The following RMND5A variants were observed in gnomAD, a reference collection of about 807,000 sequenced individuals.
The protein encoded by RMND5A is E3 ubiquitin-protein transferase RMND5A.
RMND5A carries 17 observed loss-of-function variants against 49.7 expected under a neutral mutation model. The observed-to-expected ratio is 0.34, with a 90% CI of 0.23 to 0.51. The LOEUF is 0.51. Among genes scored for constraint, RMND5A ranks in the 20% least tolerant of loss-of-function variants. The pLI, the probability that RMND5A is intolerant of heterozygous loss-of-function variation, is 0.96. For missense variants in RMND5A, 255 were observed against 471.3 expected (o/e 0.54, Z 4.25); for synonymous variants, 156 against 167.7 (o/e 0.93, Z 0.54).
rs1259571109 is a variant in RMND5A, at chr2:86,777,312, TGTG to T, written c.*3903_*3905del. ...ACTTAACCTTCTCCAGCAAGGCAGT[TGTG>T]GGGTTCACTAGGATTTAGTGCCTGA... On this transcript the variant is annotated 3_prime_UTR_variant, in exon 9 of 9. Coordinates refer to ENST00000283632, the MANE Select transcript of RMND5A (RefSeq NM_022780.4). 2.0e-5 allele frequency: 3 copies of T among 152,128 alleles called. No individual in the cohort carries two copies. 9.4% of individuals were successfully genotyped at this position (152,128 alleles called of 1,614,324 possible). A position where few individuals can be genotyped will look rare whatever the true frequency, so the allele number is the denominator to read the frequency against.
chr2:86,729,506 A>C (rs1427007407), intron 1 of RMND5A, among the ~76,000 whole-genome samples: 1 of 142,956 alleles, frequency 7.0e-6, no homozygotes, highest in Non-Finnish European at 1.5e-5. Context: ...TTTAACAAAC[A>C]CACAAACAAA....
In RMND5A at chr2:86,776,308, G is replaced by A. The variant is rs1672767773; in HGVS notation, c.*2897G>A. 1 of 152,150 alleles carries A rather than the reference G, an allele frequency of 6.6e-6. No individual in the cohort carries two copies. Among genetic ancestry groups the A allele is most frequent in the Non-Finnish European group, 1.5e-5 (1 of 68,028 alleles). 9.4% of individuals were successfully genotyped at this position (152,150 alleles called of 1,614,324 possible). A position where few individuals can be genotyped will look rare whatever the true frequency, so the allele number is the denominator to read the frequency against. On this transcript the variant is annotated 3_prime_UTR_variant, in exon 9 of 9. Coordinates refer to ENST00000283632, the MANE Select transcript of RMND5A (RefSeq NM_022780.4). ...AATACATAAATGAACGGGTATTGGTGCCTCTTTATTTTAAAAAATTTGAAG... is the reference window on the plus strand; with the variant it reads ...AATACATAAATGAACGGGTATTGGTACCTCTTTATTTTAAAAAATTTGAAG...
Position 86,728,140 on chromosome 2 carries a change from A to T in RMND5A, c.142+7331A>T, listed in dbSNP as rs1291272803. 4.8e-5 allele frequency among the ~76,000 whole-genome samples: 4 copies of T among 83,010 alleles called. 1 individual carries two copies. Among genetic ancestry groups the T allele is most frequent in the African/African-American group, 1.4e-4 (3 of 21,924 alleles). 54.5% of individuals were successfully genotyped at this position (83,010 alleles called of 152,430 possible). A position where few individuals can be genotyped will look rare whatever the true frequency, so the allele number is the denominator to read the frequency against. On this transcript the variant is annotated intron_variant, in intron 1 of 8. Coordinates refer to ENST00000283632, the MANE Select transcript of RMND5A (RefSeq NM_022780.4). ...GATACATGAAGACATTTGGGAGGAG[A>T]TGAGGAGAGAATCTTTTAAAAGAAA...
At position 86,721,722 on chromosome 2, in the gene RMND5A, T is replaced by C. The variant is rs150787612; in HGVS notation, c.142+913T>C. On this transcript the variant is annotated intron_variant, in intron 1 of 8. Transcript: ENST00000283632. The stretch of plus-strand genomic sequence containing the variant: ...TTTTGATCAAGAAGTGAAGGACTTA[T>C]TTAATGGGTCTTTAATAAGAGGCTG... Among the ~76,000 whole-genome samples, 184 of 151,556 alleles carry C rather than the reference T, an allele frequency of 1.2e-3. 3 individuals are homozygous for C. The East Asian group carries it at 0.03, about 25-fold the overall frequency.
At chr2:86,754,609 C>T (rs1427206154) in intron 4 of RMND5A, among the ~76,000 whole-genome samples, 1 of 152,140 alleles carries the variant, frequency 6.6e-6, no homozygotes, top group East Asian at 1.9e-4. Context: ...CACTGTCACC[C>T]AGGCTAGAGT....
At chr2:86,743,056 G>A (rs1355285210) in intron 2 of RMND5A, among the ~76,000 whole-genome samples, 1 of 152,148 alleles carries the variant, frequency 6.6e-6, no homozygotes, top group African/African-American at 2.4e-5. Flanking sequence ...GTCCTGTCAT[G>A]ATGATCAGAA....
intron 4 of RMND5A, among the ~76,000 whole-genome samples, chr2:86,758,265 G>A (rs954663207): frequency 2.0e-5 from 3 of 152,064 alleles, no homozygotes; most frequent in East Asian, 1.9e-4. Flanking sequence ...TTATGTATAC[G>A]TACATTTTTA....
At chr2:86,721,131 C>T (rs1167477144) in intron 1 of RMND5A, 9 of 267,592 alleles carry the variant, frequency 3.4e-5, no homozygotes, top group Non-Finnish European at 5.0e-5. Context: ...GTGGGCGCCC[C>T]TCGTCCCCCG....
At chr2:86,734,959 AT>A (rs1681390956) in intron 1 of RMND5A, among the ~76,000 whole-genome samples, 2 of 145,752 alleles carry the variant, frequency 1.4e-5, no homozygotes, top group Non-Finnish European at 3.0e-5. Context: ...GTCTCTATAG[AT>A]TTGTCTATTC....
chr2:86,733,000 T>A (rs1215896661), intron 1 of RMND5A, among the ~76,000 whole-genome samples: 1 of 73,228 alleles, frequency 1.4e-5, no homozygotes, highest in Admixed American at 1.5e-4. Flanking sequence ...ATTTTCTACT[T>A]AGGCAATAAT....
intron 6 of RMND5A, among the ~76,000 whole-genome samples, chr2:86,767,947 A>G (rs1269459617): frequency 2.0e-5 from 3 of 152,242 alleles, no homozygotes; most frequent in East Asian, 1.9e-4. Flanking sequence ...AGAGTAAACT[A>G]TAAGAATCCA....
In RMND5A at chr2:86,743,884, AG is replaced by A. The variant is rs199772794; in HGVS notation, c.285+2817del. 5.2e-3 allele frequency among the ~76,000 whole-genome samples: 785 copies of A among 151,098 alleles called. 4 individuals are homozygous for A. Among genetic ancestry groups the A allele is most frequent in the African/African-American group, 0.017 (713 of 41,190 alleles). Reference sequence around the variant, plus strand: ...TCCCAGTTACTTGGGAGGCTGAGGGAGGAGAATCGCTTGAACCTGGGAGGCG... The same window carrying A: ...TCCCAGTTACTTGGGAGGCTGAGGGAGAGAATCGCTTGAACCTGGGAGGCG... On this transcript the variant is annotated intron_variant, in intron 2 of 8. Transcript: ENST00000283632.
intron 4 of RMND5A, among the ~76,000 whole-genome samples, chr2:86,755,236 G>A (rs951203826): frequency 4.2e-4 from 63 of 151,238 alleles, no homozygotes; most frequent in African/African-American, 1.5e-3. Flanking sequence ...CTCCTGCCCC[G>A]GCCTCCTGAG....
At chr2:86,751,680 A>T (rs1344654797) in intron 2 of RMND5A, among the ~76,000 whole-genome samples, 1 of 152,154 alleles carries the variant, frequency 6.6e-6, no homozygotes, top group Non-Finnish European at 1.5e-5. Context: ...TATTAAATCT[A>T]CTTTAAAAAA....
In RMND5A at chr2:86,774,083, T is replaced by C. The variant is rs1214106098; in HGVS notation, c.*672T>C. 1 of 152,676 alleles carries C rather than the reference T, an allele frequency of 6.5e-6. No individual in the cohort carries two copies. Among genetic ancestry groups the C allele is most frequent in the African/African-American group, 2.4e-5 (1 of 41,466 alleles). 9.5% of individuals were successfully genotyped at this position (152,676 alleles called of 1,614,324 possible). On this transcript the variant is annotated 3_prime_UTR_variant, in exon 9 of 9. Coordinates refer to ENST00000283632, the MANE Select transcript of RMND5A (RefSeq NM_022780.4). ...TGGTGTGAGAAGTCTTCCGTTAGCATAGAGTGGAAGGAGTACTATTGTTTG... is the reference window on the plus strand; with the variant it reads ...TGGTGTGAGAAGTCTTCCGTTAGCACAGAGTGGAAGGAGTACTATTGTTTG...
At chr2:86,755,785 A>T (rs1411815973) in intron 4 of RMND5A, among the ~76,000 whole-genome samples, 1 of 152,194 alleles carries the variant, frequency 6.6e-6, no homozygotes, top group African/African-American at 2.4e-5. Context: ...AGGCAGAGAG[A>T]GGACTTGTTC....
intron 6 of RMND5A, among the ~76,000 whole-genome samples, chr2:86,766,475 C>A (rs1053246740): frequency 2.6e-5 from 4 of 151,894 alleles, no homozygotes; most frequent in African/African-American, 9.7e-5. Context: ...ACCAGCCTGG[C>A]CAACATAGTG....
chr2:86,741,831 G>A (rs1681451152), intron 2 of RMND5A, among the ~76,000 whole-genome samples: 1 of 147,876 alleles, frequency 6.8e-6, no homozygotes, highest in Admixed American at 6.9e-5. Flanking sequence ...GTAAATGTCT[G>A]GGAGGGTAGG....
intron 4 of RMND5A, among the ~76,000 whole-genome samples, chr2:86,763,230 C>T (rs911367644): frequency 2.6e-5 from 4 of 151,844 alleles, no homozygotes; most frequent in African/African-American, 9.7e-5. Flanking sequence ...ACTTTACAAG[C>T]CCTTACACAT....
Sources: allele counts gnomAD v4.1 joint callset (sites outside exome capture counted in the v4.1 genomes callset), GRCh38; gene constraint gnomAD v4.1.1; transcripts MANE v1.5; gene names NCBI Gene and HGNC (gene_info 2026-07-23, HGNC 2026-07-21).